CNTLN: variants seen among roughly 807,000 people sequenced by gnomAD.
CNTLN encodes the protein centlein, centrosomal protein.
A neutral mutation model predicts 180.0 loss-of-function variants in CNTLN; 212 were observed. That is an observed-to-expected ratio of 1.18 (90% confidence interval 1.05 to 1.32). The LOEUF (loss-of-function observed/expected upper bound fraction) is 1.32. Among genes scored for constraint, CNTLN ranks in the 40% most tolerant of loss-of-function variants. The pLI, the probability that CNTLN is intolerant of heterozygous loss-of-function variation, is 0.00. For missense variants in CNTLN, 2,095 were observed against 1,610.9 expected, an observed-to-expected ratio of 1.30 and a Z score of -5.14; for synonymous variants, 722 against 563.1, an observed-to-expected ratio of 1.28 and a Z score of -3.99.
intron 18 of CNTLN, among the ~76,000 whole-genome samples, chr9:17,439,191 G>A (rs983846995): frequency 2.0e-5 from 3 of 152,064 alleles, no homozygotes; most frequent in Non-Finnish European, 4.4e-5. Context: ...AATAATTCAT[G>A]TATTGATAAT....
At position 17,273,825 on chromosome 9, in the gene CNTLN, G is replaced by C. The variant is rs1191529332; in HGVS notation, c.942G>C (p.Gln314His). The change falls in exon 6 of 26, where the codon CAG becomes CAC. Residue 314 changes from glutamine to histidine, a missense_variant. Coordinates refer to ENST00000380647, the MANE Select transcript of CNTLN (RefSeq NM_017738.4). ...NALSLQLSNK[Q>H]TELIQKDMDI... ...TATCATTACAGTTGAGTAATAAACA[G>C]ACTGAACTTATCCAGAAGGATATGG... 6.4e-7 allele frequency: 1 copy of C among 1,573,092 alleles called. No individual in the cohort carries two copies. Among genetic ancestry groups the C allele is most frequent in the South Asian group, 1.2e-5 (1 of 83,770 alleles).
the CNTLN span, among the ~76,000 whole-genome samples, chr9:17,518,030 CT>C: frequency 1.0e-5 from 1 of 100,188 alleles, no homozygotes; most frequent in African/African-American, 4.0e-5. Flanking sequence ...TTTTCTTTTT[CT>C]TTTCCTTTTT....
At chr9:17,424,945 A>T (rs915466149) in intron 18 of CNTLN, among the ~76,000 whole-genome samples, 17 of 152,176 alleles carry the variant, frequency 1.1e-4, no homozygotes, top group African/African-American at 4.1e-4. Context: ...AGTTTGTGGT[A>T]TTCTGTTGTA....
At chr9:17,463,724 G>C (rs1396441036) in intron 20 of CNTLN, among the ~76,000 whole-genome samples, 1 of 151,606 alleles carries the variant, frequency 6.6e-6, no homozygotes, top group Non-Finnish European at 1.5e-5. Context: ...TATCAATTAA[G>C]AGTAAGTCTT....
At chr9:17,425,367 G>C (rs998630970) in intron 18 of CNTLN, among the ~76,000 whole-genome samples, 2 of 152,090 alleles carry the variant, frequency 1.3e-5, no homozygotes, top group Admixed American at 1.3e-4. Context: ...TCCATAATAG[G>C]ACACAACAAG....
At position 17,298,340 on chromosome 9, in the gene CNTLN, A is replaced by C. The variant is rs761480168; in HGVS notation, c.1134A>C (p.Ile378=). The C allele has an allele frequency of 6.8e-6, 11 of 1,610,472 alleles. No homozygotes were observed. The highest frequency in any genetic ancestry group is 8.5e-6 in the Non-Finnish European group (10 of 1,178,852). Residue 378 remains isoleucine (I), a synonymous_variant, in exon 7 of 26, where the codon ATA becomes ATC. Transcript: ENST00000380647. Reference sequence around the variant, plus strand: ...AAGATGTTCACACAGCTGAAAGTATATCATATCAAAAAGTATGCTTTTATT... The same window carrying C: ...AAGATGTTCACACAGCTGAAAGTATCTCATATCAAAAAGTATGCTTTTATT... ...NQEDVHTAES[I]SYQKLYNELH... is the part of the protein sequence containing the mutation.
In CNTLN at chr9:17,332,727, A is replaced by G. The variant is rs1479108807; in HGVS notation, c.1641A>G (p.Leu547=). 1.3e-6 allele frequency: 2 copies of G among 1,586,102 alleles called. No individual in the cohort carries two copies. The highest frequency in any genetic ancestry group is 2.3e-5 in the East Asian group (1 of 44,386). ...KIENLEKALQ[L]KSQENDELRD... ...AAAACTTAGAGAAGGCACTACAACTAAAGGTGAACATTAAATCATTTCTTT... is the reference window on the plus strand; with the variant it reads ...AAAACTTAGAGAAGGCACTACAACTGAAGGTGAACATTAAATCATTTCTTT... Residue 547 remains leucine, a synonymous_variant, in exon 10 of 26, where the codon CTA becomes CTG. Coordinates refer to ENST00000380647, the MANE Select transcript of CNTLN (RefSeq NM_017738.4).
intron 2 of CNTLN, among the ~76,000 whole-genome samples, chr9:17,149,512 CTTTTTTTTTTT>C (rs55691769): frequency 9.4e-5 from 10 of 106,156 alleles, no homozygotes; most frequent in African/African-American, 3.8e-4. Context: ...TTCTTTCTTT[CTTTTTTTTTTT>C]TTTTTTTTTT....
At chr9:17,424,213 T>C (rs1828927082) in intron 18 of CNTLN, among the ~76,000 whole-genome samples, 1 of 152,200 alleles carries the variant, frequency 6.6e-6, no homozygotes, top group South Asian at 2.1e-4. Flanking sequence ...TCCTTACATA[T>C]TAAAATCTGT....
intron 18 of CNTLN, among the ~76,000 whole-genome samples, chr9:17,439,280 C>G (rs1587995225): frequency 6.6e-6 from 1 of 152,102 alleles, no homozygotes; most frequent in Non-Finnish European, 1.5e-5. Flanking sequence ...AAGTCTTTCT[C>G]TAAGTATTTA....
intron 6 of CNTLN, among the ~76,000 whole-genome samples, chr9:17,291,956 T>A (rs1829442633): frequency 6.6e-6 from 1 of 152,194 alleles, no homozygotes; most frequent in South Asian, 2.1e-4. Context: ...CTTTCTATAT[T>A]TAGTGCTTCC....
rs947994954 is a variant in CNTLN at position 17,332,508 on chromosome 9, A to G, written c.1519-97A>G. ...AGGATTTTTTTTTTTTTTATAATTC[A>G]TTATTAGTATTCAAAATTACTTGTT... On this transcript the variant is annotated intron_variant, in intron 9 of 25. Transcript: ENST00000380647. 24 of 1,149,950 alleles carry G rather than the reference A, an allele frequency of 2.1e-5. No homozygotes were observed. In the African/African-American group the frequency reaches 2.2e-4, roughly 10 times the overall value. 71.2% of individuals were successfully genotyped at this position (1,149,950 alleles called of 1,614,324 possible).
chr9:17,497,606 G>A (rs767450413), intron 25 of CNTLN, among the ~76,000 whole-genome samples: 4 of 152,062 alleles, frequency 2.6e-5, no homozygotes, highest in Non-Finnish European at 5.9e-5. Flanking sequence ...CAAAATTAAA[G>A]AGAAAAAAGC....
chr9:17,327,761 C>G (rs1820401432), intron 8 of CNTLN, among the ~76,000 whole-genome samples: 1 of 152,010 alleles, frequency 6.6e-6, no homozygotes, highest in South Asian at 2.1e-4. Context: ...CGAGACCAGC[C>G]TGATCAACAT....
chr9:17,190,940 T>G (rs1821752134), intron 2 of CNTLN, among the ~76,000 whole-genome samples: 1 of 152,234 alleles, frequency 6.6e-6, no homozygotes, highest in South Asian at 2.1e-4. Context: ...ATAATGGATC[T>G]GTTTTCTTTA....
intron 6 of CNTLN, among the ~76,000 whole-genome samples, chr9:17,285,666 GT>G (rs1194507075): frequency 4.9e-5 from 5 of 102,758 alleles, no homozygotes; most frequent in Non-Finnish European, 9.3e-5. Context: ...TCCAGCACCT[GT>G]TGTTTCCTGA....
At chr9:17,323,685 T>C (rs1006807692) in intron 8 of CNTLN, among the ~76,000 whole-genome samples, 2 of 152,212 alleles carry the variant, frequency 1.3e-5, no homozygotes, top group African/African-American at 4.8e-5. Flanking sequence ...AAATTATAAA[T>C]AATTGTAACA....
At chr9:17,336,769 C>T (rs568879301) in intron 10 of CNTLN, among the ~76,000 whole-genome samples, 216 of 152,272 alleles carry the variant, frequency 1.4e-3, no homozygotes, top group African/African-American at 4.8e-3. Context: ...AGGTTTGTTA[C>T]ATAGGTGTAC....
At chr9:17,393,582 A>G (rs147563415) in intron 14 of CNTLN, among the ~76,000 whole-genome samples, 1,863 of 152,304 alleles carry the variant, frequency 0.012, 41 homozygotes, top group African/African-American at 0.042. Flanking sequence ...TTAAGTTTTC[A>G]GAACCTCTCT....
Sources: allele counts gnomAD v4.1 joint callset (sites outside exome capture counted in the v4.1 genomes callset), GRCh38; gene constraint gnomAD v4.1.1; transcripts MANE v1.5; gene names NCBI Gene and HGNC (gene_info 2026-07-23, HGNC 2026-07-21).